Variants in DLC1 observed in about 807,000 individuals in gnomAD.
The protein encoded by DLC1 is rho GTPase-activating protein 7.
DLC1 carries 54 observed loss-of-function variants against 140.3 expected under a neutral mutation model. The ratio of observed to expected loss-of-function variants is 0.38; its 90% CI spans 0.31 to 0.48. DLC1 has a LOEUF of 0.48. DLC1 is among the 20% of genes least tolerant of loss of function. The pLI is 0.96. For synonymous variants in DLC1, 986 were observed against 728.1 expected (o/e 1.35, Z -5.70); for missense variants, 2,536 against 1,907.0 (o/e 1.33, Z -6.14).
chr8:13,516,084 G>T (rs947892088), upstream of DLC1, among the ~76,000 whole-genome samples: 1 of 152,108 alleles, frequency 6.6e-6, no homozygotes, highest in Non-Finnish European at 1.5e-5. Flanking sequence ...ATCTTGCTTG[G>T]TGGAAATGGC....
chr8:13,215,305 G>C (rs893363986), intron 5 of DLC1, among the ~76,000 whole-genome samples: 2 of 152,226 alleles, frequency 1.3e-5, no homozygotes, highest in African/African-American at 2.4e-5. Context: ...AAATGTGAAG[G>C]CTGGGCACAG....
chr8:13,516,307 T>A (rs928880011), upstream of DLC1, among the ~76,000 whole-genome samples: 2 of 152,170 alleles, frequency 1.3e-5, no homozygotes, highest in African/African-American at 2.4e-5. Context: ...GTAAAAGACA[T>A]CTTAAACTTG....
chr8:13,318,715 T>C (rs1832960098), intron 4 of DLC1, among the ~76,000 whole-genome samples: 1 of 152,242 alleles, frequency 6.6e-6, no homozygotes, highest in Admixed American at 6.5e-5. Flanking sequence ...AGATGCCTAA[T>C]GATTAATCTT....
intron 5 of DLC1, among the ~76,000 whole-genome samples, chr8:13,120,260 G>A (rs1188764813): frequency 6.7e-6 from 1 of 149,592 alleles, no homozygotes. Context: ...GGAGAATGGC[G>A]TGAACCGGGG....
chr8:13,504,871 G>T (rs887071306), intron 1 of DLC1, among the ~76,000 whole-genome samples: 1 of 152,048 alleles, frequency 6.6e-6, no homozygotes, highest in African/African-American at 2.4e-5. Context: ...AGGAAGCCAA[G>T]AATTCAGCAC....
chr8:13,345,585 G>A (rs1366606037), intron 4 of DLC1, among the ~76,000 whole-genome samples: 5 of 97,736 alleles, frequency 5.1e-5, no homozygotes, highest in Non-Finnish European at 8.1e-5. Context: ...ATGGAGTCTT[G>A]CTGTATCACC....
chr8:13,553,928 TTGTC>T (rs375463689), intron 1 of DLC1, among the ~76,000 whole-genome samples: 77 of 152,248 alleles, frequency 5.1e-4, no homozygotes, highest in African/African-American at 1.8e-3. Flanking sequence ...TTGCTACTCT[TTGTC>T]TGCGCCCTTT....
chr8:13,519,382 C>G (rs1802697338), upstream of DLC1, among the ~76,000 whole-genome samples: 1 of 152,146 alleles, frequency 6.6e-6, no homozygotes, highest in Admixed American at 6.6e-5. Flanking sequence ...CCCGCCTTGG[C>G]CTCCCAAAGT....
At position 13,153,910 on chromosome 8, in the gene DLC1, C is replaced by T. The variant is rs186640732; in HGVS notation, c.1349-38253G>A. On this transcript the variant is annotated intron_variant, in intron 5 of 17. Coordinates refer to ENST00000276297, the MANE Select transcript of DLC1 (RefSeq NM_182643.3). Reference sequence around the variant, plus strand: ...CTAGACATAAAGGTTCTCCAAGTCCCCACTAGATTAGCTAGACAAGAGCAC... The same window carrying T: ...CTAGACATAAAGGTTCTCCAAGTCCTCACTAGATTAGCTAGACAAGAGCAC... 6.1e-3 allele frequency among the ~76,000 whole-genome samples: 924 copies of T among 152,232 alleles called. 37 individuals carry two copies. The highest frequency in any genetic ancestry group is 0.054 in the Admixed American group (818 of 15,276).
intron 1 of DLC1, among the ~76,000 whole-genome samples, chr8:13,601,738 A>C (rs1293733566): frequency 2.0e-5 from 3 of 151,610 alleles, no homozygotes; most frequent in Non-Finnish European, 4.4e-5. Flanking sequence ...TTTCTAAAAA[A>C]CCTGAGACAA....
Position 13,099,662 on chromosome 8 carries a change from C to T in DLC1, c.2675G>A (p.Gly892Glu), listed in dbSNP as rs764476923. 6.2e-7 allele frequency: 1 copy of T among 1,614,194 alleles called. No individual in the cohort carries two copies. Among genetic ancestry groups the T allele is most frequent in the Admixed American group, 1.7e-5 (1 of 60,022 alleles). Residue 892 changes from glycine to glutamate, a missense_variant, in exon 9 of 18, where the codon GGG becomes GAG. Coordinates refer to ENST00000276297, the MANE Select transcript of DLC1 (RefSeq NM_182643.3). Reference protein sequence around the residue: ...VPGSILYSSSGDLADLENEDI... With the variant: ...VPGSILYSSSEDLADLENEDI... ...CTCGTTCTCCAGATCCGCCAGGTCC[C>T]CTGAACTGGAGTAGAGGATGGAGCC...
intron 2 of DLC1, among the ~76,000 whole-genome samples, chr8:13,466,561 G>C (rs1485566681): frequency 6.6e-6 from 1 of 152,138 alleles, no homozygotes; most frequent in Non-Finnish European, 1.5e-5. Context: ...CAGATACTTA[G>C]ATACTAGGCC....
At chr8:13,369,350 G>C (rs1835630206) in intron 4 of DLC1, among the ~76,000 whole-genome samples, 1 of 82,530 alleles carries the variant, frequency 1.2e-5, no homozygotes, top group Admixed American at 1.3e-4. Flanking sequence ...ATTTTTGGCT[G>C]GGTCGAAAAA....
At chr8:13,158,986 C>T (rs377150818) in intron 5 of DLC1, among the ~76,000 whole-genome samples, 18 of 152,180 alleles carry the variant, frequency 1.2e-4, no homozygotes, top group Non-Finnish European at 1.5e-4. Flanking sequence ...TGGGAACCAG[C>T]GCTGTATTCA....
At chr8:13,508,289 G>T (rs151135961) in intron 1 of DLC1, among the ~76,000 whole-genome samples, 67 of 152,298 alleles carry the variant, frequency 4.4e-4, no homozygotes, top group African/African-American at 1.3e-3. Context: ...TGTAATTTGA[G>T]GAAACTGGGA....
intron 5 of DLC1, among the ~76,000 whole-genome samples, chr8:13,181,074 A>T (rs1563142436): frequency 5.9e-5 from 9 of 151,740 alleles, no homozygotes; most frequent in Admixed American, 3.3e-4. Flanking sequence ...CCCTTCTGTT[A>T]CCTTTCTGGC....
At chr8:13,554,503 T>G (rs1029724395) in intron 1 of DLC1, among the ~76,000 whole-genome samples, 4 of 152,212 alleles carry the variant, frequency 2.6e-5, no homozygotes, top group African/African-American at 9.6e-5. Flanking sequence ...TTCCAAAAGC[T>G]ACACTTCCAG....
rs1023632745 is a variant in DLC1 at position 13,308,331 on chromosome 8, A to G, written c.1315-3029T>C. 7.2e-5 allele frequency among the ~76,000 whole-genome samples: 11 copies of G among 152,210 alleles called. 1 individual carries two copies. Among genetic ancestry groups the G allele is most frequent in the Admixed American group, 6.5e-4 (10 of 15,280 alleles). ...ACATAACTTCAAAGACCATATTACA[A>G]TGTAGAGAAAGGATAGTCAAAGTGT... On this transcript the variant is annotated intron_variant, in intron 4 of 17. Coordinates refer to ENST00000276297, the MANE Select transcript of DLC1 (RefSeq NM_182643.3).
intron 5 of DLC1, among the ~76,000 whole-genome samples, chr8:13,225,965 T>C (rs1277000117): frequency 1.3e-5 from 2 of 152,188 alleles, no homozygotes; most frequent in Admixed American, 1.3e-4. Context: ...CAAACTGGAC[T>C]GCAGTGGTGC....
Sources: gnomAD v4.1 joint callset for allele counts (sites outside exome capture counted in the v4.1 genomes callset) on GRCh38, gnomAD v4.1.1 for gene constraint, MANE v1.5 for transcripts, NCBI Gene and HGNC (gene_info 2026-07-23, HGNC 2026-07-21) for gene names.